The following HERC1 variants were observed in gnomAD, a reference collection of about 807,000 sequenced individuals.
The protein encoded by HERC1 is HECT and RLD domain containing E3 ubiquitin protein ligase family member 1.
HERC1 carries 160 observed loss-of-function variants against 554.3 expected under a neutral mutation model. The ratio of observed to expected loss-of-function variants is 0.29; its 90% CI spans 0.25 to 0.33. The LOEUF (loss-of-function observed/expected upper bound fraction) is 0.33. Ranked by LOEUF, HERC1 falls within the 10% of genes least tolerant of loss-of-function variation. The pLI is 1.00. For missense variants in HERC1, 4,919 were observed against 5,918.5 expected (o/e 0.83, Z 5.54); for synonymous variants, 2,175 against 2,131.7 (o/e 1.02, Z -0.56).
At chr15:63,707,928 CAAAAAAAAA>C (rs71131176) in intron 24 of HERC1, among the ~76,000 whole-genome samples, 11 of 55,206 alleles carry the variant, frequency 2.0e-4, no homozygotes, top group African/African-American at 6.2e-4. Flanking sequence ...GACTCCCTCT[CAAAAAAAAA>C]AAAAAAAAAA....
intron 26 of HERC1, 25 bp downstream of exon 26, chr15:63,698,703 T>C: frequency 6.2e-7 from 1 of 1,601,814 alleles, no homozygotes; most frequent in South Asian, 1.1e-5. Flanking sequence ...AGAGCTCTCA[T>C]AAGGAGTAAA....
intron 1 of HERC1, among the ~76,000 whole-genome samples, chr15:63,800,568 C>T (rs1222528154): frequency 2.0e-5 from 3 of 152,202 alleles, no homozygotes; most frequent in Non-Finnish European, 4.4e-5. Flanking sequence ...AATGTCACTT[C>T]CTCTGGGAAG....
chr15:63,712,556 T>G (rs1056722675), intron 24 of HERC1, among the ~76,000 whole-genome samples: 1 of 152,238 alleles, frequency 6.6e-6, no homozygotes, highest in Non-Finnish European at 1.5e-5. Flanking sequence ...AAGAGTCAGA[T>G]ATATGAATTT....
intron 22 of HERC1, among the ~76,000 whole-genome samples, chr15:63,713,952 C>T (rs1002008888): frequency 2.6e-5 from 4 of 152,040 alleles, no homozygotes; most frequent in Admixed American, 2.0e-4. Context: ...CAGTTATTTT[C>T]AACGTACGGT....
intron 12 of HERC1, among the ~76,000 whole-genome samples, chr15:63,736,047 A>T (rs965223517): frequency 2.0e-5 from 3 of 152,206 alleles, no homozygotes; most frequent in African/African-American, 7.2e-5. Flanking sequence ...TAAGTCAAAA[A>T]GACCCCCCTC....
At chr15:63,833,632 G>A (rs749216793) in intron 1 of HERC1, among the ~76,000 whole-genome samples, 195 bp downstream of exon 1, 76 of 151,846 alleles carry the variant, frequency 5.0e-4, no homozygotes, top group Non-Finnish European at 9.3e-4. Context: ...TCCGCGGCGC[G>A]CCAGGAGGGC....
At chr15:63,712,935 G>T (rs1340481394) in intron 23 of HERC1, 40 bp from the exon 24 acceptor site, 3 of 1,571,352 alleles carry the variant, frequency 1.9e-6, no homozygotes, top group Non-Finnish European at 1.7e-6. Flanking sequence ...TTTGATTTAG[G>T]ACTGTTAGTG....
In HERC1 at chr15:63,725,458, G is replaced by C; in HGVS notation, c.3402C>G (p.Ser1134=). 1.9e-6 allele frequency: 3 copies of C among 1,613,858 alleles called. No individual in the cohort carries two copies. The highest frequency in any genetic ancestry group is 2.5e-6 in the Non-Finnish European group (3 of 1,179,856). Residue 1134 remains serine (S), a synonymous_variant, in exon 18 of 78, where the codon TCC becomes TCG. Coordinates refer to ENST00000443617, the MANE Select transcript of HERC1 (RefSeq NM_003922.4). The stretch of plus-strand genomic sequence containing the variant: ...TTTCTAGATCCACAAGCCATACCCA[G>C]GACTGAGCTGGCTGAGGTAATGGCA... ...AGLPLPQPAQ[S]WVWLVDLERT...
rs1412484576 is a variant in HERC1 at position 63,678,384 on chromosome 15, G to A, written c.6550-19C>T. 3 of 1,554,204 alleles carry A rather than the reference G, an allele frequency of 1.9e-6. No individual in the cohort carries two copies. Among genetic ancestry groups the A allele is most frequent in the East Asian group, 2.3e-5 (1 of 43,802 alleles). On this transcript the variant is annotated intron_variant, in intron 36 of 77. Transcript: ENST00000443617. ...TTTTCACCTATATAAAAGTAAAGAG[G>A]GTGGAAAACACATGCTATTAGTAGT... is the stretch of plus-strand genomic sequence containing the variant.
intron 2 of HERC1, among the ~76,000 whole-genome samples, chr15:63,768,677 A>G (rs1290582654): frequency 6.6e-6 from 1 of 152,092 alleles, no homozygotes; most frequent in Non-Finnish European, 1.5e-5. Context: ...TCCCTCTTTT[A>G]TGCCTTTCTA....
intron 77 of HERC1, among the ~76,000 whole-genome samples, chr15:63,611,081 T>C (rs1011419704): frequency 1.3e-5 from 2 of 151,882 alleles, no homozygotes; most frequent in Non-Finnish European, 2.9e-5. Context: ...TTGCCAGAGA[T>C]AGAAGGAAAG....
chr15:63,640,405 T>C lies in HERC1; in HGVS notation c.11648A>G (p.Tyr3883Cys), dbSNP rs751211518. ...AGCAAGGGAAGCCAAGCATTGCATATAGGGGCTATGAACAAGTTGGTCACC... is the reference window on the plus strand; with the variant it reads ...AGCAAGGGAAGCCAAGCATTGCATACAGGGGCTATGAACAAGTTGGTCACC... ...VCGDQLVHSP[Y>C]MQCLASLAVG... Residue 3883 changes from tyrosine (Y) to cysteine (C), a missense_variant, in exon 61 of 78, where the codon TAT (tyrosine) becomes TGT (cysteine). Physicochemically the swap from Tyr to Cys is radical, Grantham distance 194 (BLOSUM62 -2). This residue lies in a region of HERC1 where 1,963 missense variants were observed against 2,228.6 expected (regional missense o/e 0.88). Coordinates refer to ENST00000443617, the MANE Select transcript of HERC1 (RefSeq NM_003922.4). The C allele has an allele frequency of 2.5e-6, 4 of 1,613,672 alleles. No homozygotes were observed. The highest frequency in any genetic ancestry group is 3.4e-6 in the Non-Finnish European group (4 of 1,179,784).
rs139329223 is a variant in HERC1 at position 63,798,377 on chromosome 15, A to G, written c.-26-22728T>C. On this transcript the variant is annotated intron_variant, in intron 1 of 77. Coordinates refer to ENST00000443617, the MANE Select transcript of HERC1 (RefSeq NM_003922.4). ...CTGCCTCTTTACAATCAGGAATTAA[A>G]GTGTTTTCCAGGTAATTTTCTTCTA... is the stretch of plus-strand genomic sequence containing the variant. Among the ~76,000 whole-genome samples the G allele has an allele frequency of 4.1e-4, 63 of 152,270 alleles. No individual in the cohort carries two copies. In the East Asian group the frequency reaches 8.1e-3, roughly 20 times the overall value.
intron 57 of HERC1, among the ~76,000 whole-genome samples, chr15:63,643,837 G>A (rs182973347): frequency 9.9e-5 from 15 of 152,150 alleles, no homozygotes; most frequent in Non-Finnish European, 2.1e-4. Flanking sequence ...CTCAGAGACA[G>A]GAAAATACTG....
rs952360356 is a variant in HERC1, at chr15:63,609,285, AG to A, written c.14401-20del. 1.9e-6 allele frequency: 3 copies of A among 1,590,132 alleles called. No homozygotes were observed. The highest frequency in any genetic ancestry group is 1.7e-6 in the Non-Finnish European group (2 of 1,166,122). ...CGTAAGGCTGTGGAGAGAGACCCAG[AG>A]CCGTGACTGGGGACATCAGAGTGCC... On this transcript the variant is annotated intron_variant, in intron 77 of 77. Coordinates refer to ENST00000443617, the MANE Select transcript of HERC1 (RefSeq NM_003922.4).
intron 40 of HERC1, among the ~76,000 whole-genome samples, chr15:63,668,978 G>C (rs1323360914): frequency 1.3e-5 from 2 of 152,272 alleles, no homozygotes; most frequent in South Asian, 4.1e-4. Context: ...TATTTTCCAA[G>C]TGCACTTGGA....
intron 3 of HERC1, among the ~76,000 whole-genome samples, chr15:63,759,866 A>G (rs1250191355): frequency 6.6e-6 from 1 of 152,232 alleles, no homozygotes; most frequent in Non-Finnish European, 1.5e-5. Context: ...CAATAGAATA[A>G]TATGTGTGTT....
In HERC1 at chr15:63,753,089, T is replaced by C. The variant is rs574657489; in HGVS notation, c.1775-4A>G. The C allele has an allele frequency of 1.0e-4, 165 of 1,586,402 alleles. 1 individual carries two copies. In the South Asian group the frequency reaches 1.8e-3, roughly 17 times the overall value. Reference sequence around the variant, plus strand: ...GTATCACCATGACCAAGTTTACCTATAAAAACAAACACATTAAACAATTTA... The same window carrying C: ...GTATCACCATGACCAAGTTTACCTACAAAAACAAACACATTAAACAATTTA... On this transcript the variant is annotated splice_polypyrimidine_tract_variant and splice_region_variant and intron_variant, in intron 7 of 77. Coordinates refer to ENST00000443617, the MANE Select transcript of HERC1 (RefSeq NM_003922.4).
intron 8 of HERC1, 44 bp downstream of exon 8, chr15:63,752,914 C>A (rs1236691127): frequency 1.3e-6 from 2 of 1,558,706 alleles, no homozygotes; most frequent in Non-Finnish European, 1.7e-6. Flanking sequence ...TCACCTAATC[C>A]TCTGAAATAC....
Sources: gnomAD v4.1 joint callset for allele counts (sites outside exome capture counted in the v4.1 genomes callset) on GRCh38, gnomAD v4.1.1 for gene constraint, gnomAD v4.1.1 regional missense constraint, MANE v1.5 for transcripts, NCBI Gene and HGNC (gene_info 2026-07-23, HGNC 2026-07-21) for gene names.